The following TBL1XR1 variants were observed in gnomAD, a reference collection of about 807,000 sequenced individuals.
TBL1XR1 encodes the protein TBL1X/Y related 1, also known as F-box-like/WD repeat-containing protein TBL1XR1.
In TBL1XR1, 5 loss-of-function variants were observed where a neutral mutation model predicts 66.9. That is an observed-to-expected ratio of 0.07 (90% CI 0.04 to 0.16). TBL1XR1 has a LOEUF of 0.16. Among genes scored for constraint, TBL1XR1 ranks in the 10% least tolerant of loss-of-function variants. TBL1XR1 has a pLI of 1.00. For synonymous variants in TBL1XR1, 210 were observed against 206.0 expected, an observed-to-expected ratio of 1.02 and a Z score of -0.17; for missense variants, 238 against 623.2, an observed-to-expected ratio of 0.38 and a Z score of 6.58.
intron 1 of TBL1XR1, among the ~76,000 whole-genome samples, chr3:177,172,900 C>T (rs995601389): frequency 6.6e-5 from 10 of 152,062 alleles, no homozygotes; most frequent in African/African-American, 9.6e-5. Flanking sequence ...TGGCCAGGCG[C>T]GGTGGCTCAT....
intron 1 of TBL1XR1, among the ~76,000 whole-genome samples, chr3:177,150,336 TAC>T (rs1260637521): frequency 6.6e-6 from 1 of 152,030 alleles, no homozygotes; most frequent in African/African-American, 2.4e-5. Context: ...TTGAACAGAG[TAC>T]AGAGTCCTCA....
chr3:177,150,979 G>A (rs1286888404), intron 1 of TBL1XR1, among the ~76,000 whole-genome samples: 1 of 152,150 alleles, frequency 6.6e-6, no homozygotes, highest in Non-Finnish European at 1.5e-5. Context: ...TACAAATAAG[G>A]TTATAACTAT....
chr3:177,158,806 A>AC (rs1197371673), intron 1 of TBL1XR1, among the ~76,000 whole-genome samples: 1 of 152,086 alleles, frequency 6.6e-6, no homozygotes, highest in African/African-American at 2.4e-5. Context: ...GGCTATATAA[A>AC]CCCAAGAAAT....
At chr3:177,083,488 T>C (rs1364323943) in intron 2 of TBL1XR1, among the ~76,000 whole-genome samples, 1 of 152,216 alleles carries the variant, frequency 6.6e-6, no homozygotes, top group Non-Finnish European at 1.5e-5. Flanking sequence ...TTAAACTATT[T>C]TCAAATTTAA....
At chr3:177,134,082 G>A (rs998640492) in intron 1 of TBL1XR1, among the ~76,000 whole-genome samples, 2 of 152,008 alleles carry the variant, frequency 1.3e-5, no homozygotes, top group Admixed American at 6.6e-5. Context: ...TCCTAGATAC[G>A]TGAATGTAAA....
In TBL1XR1 at chr3:177,020,563, GT is replaced by G. The variant is rs1202800262; in HGVS notation, c.*4934del. 1 of 152,100 alleles carries G rather than the reference GT, an allele frequency of 6.6e-6. No individual in the cohort carries two copies. Among genetic ancestry groups the G allele is most frequent in the Non-Finnish European group, 1.5e-5 (1 of 68,006 alleles). The allele number at this position is 152,100 out of a possible 1,614,324, so 9.4% of individuals were successfully genotyped here. ...AACACCAGTATGGGAGAGAATGAATGTGTTATAGGTTATGAAGGCTAACTTG... is the reference window on the plus strand; with the variant it reads ...AACACCAGTATGGGAGAGAATGAATGGTTATAGGTTATGAAGGCTAACTTG... On this transcript the variant is annotated 3_prime_UTR_variant, in exon 16 of 16. Coordinates refer to ENST00000457928, the MANE Select transcript of TBL1XR1 (RefSeq NM_024665.7).
intron 1 of TBL1XR1, among the ~76,000 whole-genome samples, chr3:177,170,238 C>A (rs1274687810): frequency 1.3e-5 from 2 of 152,136 alleles, no homozygotes; most frequent in Non-Finnish European, 2.9e-5. Context: ...TATCCACAAG[C>A]CTCTCATGAC....
At chr3:177,155,463 G>C (rs1478522836) in intron 1 of TBL1XR1, among the ~76,000 whole-genome samples, 1 of 151,996 alleles carries the variant, frequency 6.6e-6, no homozygotes, top group Non-Finnish European at 1.5e-5. Context: ...AGATTTTTTT[G>C]ATCTATGTTG....
intron 1 of TBL1XR1, among the ~76,000 whole-genome samples, chr3:177,159,506 T>C (rs1000395686): frequency 6.6e-6 from 1 of 152,170 alleles, no homozygotes; most frequent in Non-Finnish European, 1.5e-5. Context: ...AATAACTACT[T>C]GAAAAACCAA....
At chr3:177,036,402 T>C (rs1714790147) in intron 12 of TBL1XR1, among the ~76,000 whole-genome samples, 1 of 152,230 alleles carries the variant, frequency 6.6e-6, no homozygotes, top group African/African-American at 2.4e-5. Context: ...AAACGGCCCA[T>C]TACACATTAT....
At chr3:177,123,261 A>G (rs962400864) in intron 1 of TBL1XR1, among the ~76,000 whole-genome samples, 1 of 152,028 alleles carries the variant, frequency 6.6e-6, no homozygotes, top group African/African-American at 2.4e-5. Flanking sequence ...TCCTAATCAT[A>G]AAGTACATAC....
intron 3 of TBL1XR1, among the ~76,000 whole-genome samples, chr3:177,064,240 C>T (rs969395077): frequency 2.0e-5 from 3 of 152,144 alleles, no homozygotes; most frequent in Admixed American, 6.5e-5. Context: ...TAGTAGCAAT[C>T]GGCATTTCCA....
chr3:177,083,755 T>C (rs1721745170), intron 2 of TBL1XR1, among the ~76,000 whole-genome samples: 1 of 152,108 alleles, frequency 6.6e-6, no homozygotes, highest in African/African-American at 2.4e-5. Context: ...AACTTGCCCA[T>C]CAAGTAATGG....
intron 13 of TBL1XR1, among the ~76,000 whole-genome samples, chr3:177,033,490 A>G (rs1274271153): frequency 2.0e-5 from 3 of 152,124 alleles, no homozygotes; most frequent in African/African-American, 7.2e-5. Flanking sequence ...TGAACACCAA[A>G]GTGACCACAT....
upstream of TBL1XR1, among the ~76,000 whole-genome samples, chr3:177,201,272 G>A (rs962043216): frequency 6.6e-6 from 1 of 151,950 alleles, no homozygotes; most frequent in South Asian, 2.1e-4. Flanking sequence ...TTAGCTGAGC[G>A]TGGTGGCACA....
intron 1 of TBL1XR1, among the ~76,000 whole-genome samples, chr3:177,185,867 T>C (rs772830168): frequency 1.3e-5 from 2 of 151,940 alleles, no homozygotes; most frequent in African/African-American, 2.4e-5. Flanking sequence ...AAAAATTGGC[T>C]GGGCATGGTG....
At chr3:177,165,478 T>C (rs1355335532) in intron 1 of TBL1XR1, among the ~76,000 whole-genome samples, 1 of 152,206 alleles carries the variant, frequency 6.6e-6, no homozygotes, top group Non-Finnish European at 1.5e-5. Flanking sequence ...TTTGTGGATA[T>C]CAACAAACTT....
In TBL1XR1 at chr3:177,035,413, A is replaced by ATT. The variant is rs71798306; in HGVS notation, c.1123-1090_1123-1089dup. Among the ~76,000 whole-genome samples the ATT allele has an allele frequency of 6.9e-3, 907 of 130,772 alleles. 15 individuals are homozygous for ATT. Among genetic ancestry groups the ATT allele is most frequent in the East Asian group, 0.029 (129 of 4,468 alleles). 85.8% of individuals were successfully genotyped at this position (130,772 alleles called of 152,430 possible). A position where few individuals can be genotyped will look rare whatever the true frequency, so the allele number is the denominator to read the frequency against. Reference sequence around the variant, plus strand: ...CCTACACAGTTTTGTCCCTGCCCCAATTTTTTTTTTTTTTTTTTGGAGATG... The same window carrying ATT: ...CCTACACAGTTTTGTCCCTGCCCCAATTTTTTTTTTTTTTTTTTTTGGAGATG... On this transcript the variant is annotated intron_variant, in intron 12 of 15. Coordinates refer to ENST00000457928, the MANE Select transcript of TBL1XR1 (RefSeq NM_024665.7).
chr3:177,059,722 T>C (rs548938409), intron 3 of TBL1XR1, among the ~76,000 whole-genome samples: 20 of 152,204 alleles, frequency 1.3e-4, no homozygotes, highest in Admixed American at 6.5e-4. Flanking sequence ...GTCAACTTGA[T>C]TGGATTGAAG....
Sources: gnomAD v4.1 joint callset for allele counts (sites outside exome capture counted in the v4.1 genomes callset) on GRCh38, gnomAD v4.1.1 for gene constraint, MANE v1.5 for transcripts, NCBI Gene and HGNC (gene_info 2026-07-23, HGNC 2026-07-21) for gene names.